NFIB: variants seen among roughly 807,000 people sequenced by gnomAD.
The protein encoded by NFIB is nuclear factor I B.
NFIB carries 11 observed loss-of-function variants against 61.5 expected under a neutral mutation model. The ratio of observed to expected loss-of-function variants is 0.18; its 90% CI spans 0.11 to 0.30. The LOEUF is 0.30. NFIB is among the 10% of genes least tolerant of loss of function. The pLI is 1.00. For missense variants in NFIB, 471 were observed against 608.9 expected (o/e 0.77, Z 2.38); for synonymous variants, 260 against 216.5 (o/e 1.20, Z -1.76).
chr9:14,124,032 G>C (rs867271802), intron 7 of NFIB, among the ~76,000 whole-genome samples: 1 of 152,030 alleles, frequency 6.6e-6, no homozygotes, highest in Admixed American at 6.6e-5. Flanking sequence ...CAATGACGTG[G>C]CCCCACTCTC....
chr9:14,469,546 T>G, the NFIB span, among the ~76,000 whole-genome samples: 3 of 152,208 alleles, frequency 2.0e-5, no homozygotes, highest in African/African-American at 7.2e-5. Flanking sequence ...TTTACTGGCT[T>G]CTTCCCTCTG....
chr9:14,233,579 C>A (rs2053432601), intron 2 of NFIB, among the ~76,000 whole-genome samples: 1 of 152,024 alleles, frequency 6.6e-6, no homozygotes, highest in African/African-American at 2.4e-5. Context: ...CAGGCCCAGG[C>A]CACCACGCCC....
intron 1 of NFIB, chr9:14,322,369 G>A (rs960219552): frequency 2.0e-4 from 49 of 240,626 alleles, no homozygotes; most frequent in Non-Finnish European, 3.2e-4. Flanking sequence ...TGTTGTTTTA[G>A]CGGGGCTGCT....
the NFIB span, among the ~76,000 whole-genome samples, chr9:14,444,587 T>G: frequency 1.3e-5 from 2 of 152,164 alleles, no homozygotes; most frequent in African/African-American, 4.8e-5. Flanking sequence ...TGATTAGATG[T>G]TGAAAGACTC....
chr9:14,423,439 C>A, the NFIB span, among the ~76,000 whole-genome samples: 1 of 152,196 alleles, frequency 6.6e-6, no homozygotes, highest in African/African-American at 2.4e-5. Flanking sequence ...ACTTTCAGCC[C>A]ACATGTGGCT....
rs1289451046 is a variant in NFIB at position 14,312,087 on chromosome 9, T to C, written c.30+1395A>G. On this transcript the variant is annotated intron_variant, in intron 1 of 10. Coordinates refer to ENST00000380953, the MANE Select transcript of NFIB (RefSeq NM_001190737.2). ...AAAGTGCGTGTTTACTTGCTGAAAA[T>C]AGCCATATCTAAGTTAATCATACTC... 1.3e-5 allele frequency among the ~76,000 whole-genome samples: 2 copies of C among 152,200 alleles called. 1 individual carries two copies. The highest frequency in any genetic ancestry group is 1.3e-4 in the Admixed American group (2 of 15,282).
chr9:14,173,184 C>A (rs1220070554), intron 3 of NFIB, among the ~76,000 whole-genome samples: 1 of 152,166 alleles, frequency 6.6e-6, no homozygotes, highest in Non-Finnish European at 1.5e-5. Flanking sequence ...GGTGTGCTCC[C>A]CTATGTGATC....
chr9:14,330,114 G>C (rs2060803942), intron 1 of NFIB, among the ~76,000 whole-genome samples: 1 of 152,052 alleles, frequency 6.6e-6, no homozygotes, highest in Admixed American at 6.5e-5. Flanking sequence ...GCCACAGAGA[G>C]AGACTCCGTC....
intron 3 of NFIB, among the ~76,000 whole-genome samples, chr9:14,175,187 TGAGATGGAGTCTCGCTC>T (rs2046043036): frequency 7.1e-6 from 1 of 141,234 alleles, no homozygotes; most frequent in Non-Finnish European, 1.5e-5. Context: ...TTTTTTTTTT[TGAGATGGAGTCTCGCTC>T]TGTTGTCCAG....
intron 2 of NFIB, among the ~76,000 whole-genome samples, chr9:14,199,854 T>G (rs1369242652): frequency 6.6e-6 from 1 of 152,222 alleles, no homozygotes; most frequent in Non-Finnish European, 1.5e-5. Flanking sequence ...ACTCAGCTAT[T>G]GTTTTTACTT....
chr9:14,170,304 G>T (rs2045424269), intron 3 of NFIB, among the ~76,000 whole-genome samples: 1 of 152,144 alleles, frequency 6.6e-6, no homozygotes, highest in Non-Finnish European at 1.5e-5. Context: ...GAGAGGGAAA[G>T]AATTTAAACT....
At chr9:14,523,624 A>C in the NFIB span, among the ~76,000 whole-genome samples, 15 of 152,186 alleles carry the variant, frequency 9.9e-5, no homozygotes, top group Non-Finnish European at 2.9e-5. Flanking sequence ...ATAACAAAAT[A>C]TACAAAAAGC....
At chr9:14,141,625 A>G (rs1250413042) in intron 6 of NFIB, among the ~76,000 whole-genome samples, 1 of 152,196 alleles carries the variant, frequency 6.6e-6, no homozygotes, top group Non-Finnish European at 1.5e-5. Flanking sequence ...GCCTATAAAA[A>G]TTCCTCCAAT....
At chr9:14,204,974 C>A in intron 2 of NFIB, 1 of 315,198 alleles carries the variant, frequency 3.2e-6, no homozygotes, top group South Asian at 4.2e-5. Flanking sequence ...TGTCCTGGGT[C>A]CCAAGCCTGT....
intron 1 of NFIB, among the ~76,000 whole-genome samples, chr9:14,381,515 G>A (rs184366908): frequency 9.9e-5 from 15 of 152,188 alleles, no homozygotes; most frequent in Non-Finnish European, 1.6e-4. Context: ...AAACTGTAAC[G>A]ATTTTTTAAA....
chr9:14,389,717 C>G (rs1299060693), intron 1 of NFIB, among the ~76,000 whole-genome samples: 2 of 151,880 alleles, frequency 1.3e-5, no homozygotes, highest in African/African-American at 4.8e-5. Context: ...ACAAGCAGAA[C>G]AGTAATCAGT....
rs1563932366 is a variant in NFIB, at chr9:14,237,762, C to CTGTGTGTGTG, written c.563-57983_563-57982insCACACACACA. 7.0e-4 allele frequency among the ~76,000 whole-genome samples: 74 copies of CTGTGTGTGTG among 105,888 alleles called. 3 individuals carry two copies. The highest frequency in any genetic ancestry group is 2.8e-3 in the African/African-American group (69 of 24,384). The allele number at this position is 105,888 out of a possible 152,430, so 69.5% of individuals were successfully genotyped here. A position where few individuals can be genotyped will look rare whatever the true frequency, so the allele number is the denominator to read the frequency against. On this transcript the variant is annotated intron_variant, in intron 2 of 10. Coordinates refer to ENST00000380953, the MANE Select transcript of NFIB (RefSeq NM_001190737.2). ...AAGCTCCTCACCCTGCTAGGTATAA[C>CTGTGTGTGTG]AGTGTGTGTGTGTGTGTGTGTGTGT... is the stretch of plus-strand genomic sequence containing the variant.
At chr9:14,369,207 A>G (rs1381985888) in intron 1 of NFIB, among the ~76,000 whole-genome samples, 1 of 152,218 alleles carries the variant, frequency 6.6e-6, no homozygotes, top group East Asian at 1.9e-4. Context: ...TAGTATGACG[A>G]TCAGCGTTCA....
intron 2 of NFIB, among the ~76,000 whole-genome samples, chr9:14,211,475 C>G (rs910411065): frequency 3.3e-5 from 5 of 152,204 alleles, no homozygotes; most frequent in African/African-American, 1.2e-4. Flanking sequence ...TAAAATGACA[C>G]TGTGCTGAAA....
Sources: allele counts gnomAD v4.1 joint callset (sites outside exome capture counted in the v4.1 genomes callset), GRCh38; gene constraint gnomAD v4.1.1; transcripts MANE v1.5; gene names NCBI Gene and HGNC (gene_info 2026-07-23, HGNC 2026-07-21).